Variants in FOXN4 observed in about 807,000 individuals in gnomAD.
FOXN4 encodes the protein forkhead box protein N4.
In FOXN4, 12 loss-of-function variants were observed where a neutral mutation model predicts 45.0. That is an observed-to-expected ratio of 0.27 (90% CI 0.17 to 0.43). The LOEUF is 0.43. Among genes scored for constraint, FOXN4 ranks in the 20% least tolerant of loss-of-function variants. The probability of loss-of-function intolerance (pLI) is 1.00; values close to 1 mark genes in which losing one functional copy is unlikely to be tolerated. For missense variants in FOXN4, 560 were observed against 694.9 expected, an observed-to-expected ratio of 0.81 and a Z score of 2.18; for synonymous variants, 297 against 295.0, an observed-to-expected ratio of 1.01 and a Z score of -0.07.
rs1288544734 is a variant in FOXN4, at chr12:109,286,668, C to G, written c.673G>C (p.Glu225Gln). ...CTCACCTTGAAGTAGGGGAAGTGCTCCTTCATGAAGCTGTAGATCTCGCTC... is the reference window on the plus strand; with the variant it reads ...CTCACCTTGAAGTAGGGGAAGTGCTGCTTCATGAAGCTGTAGATCTCGCTC... The part of the protein sequence containing the change: ...PVSEIYSFMK[E>Q]HFPYFKTAPD... Residue 225 changes from glutamate (E) to glutamine (Q), a missense_variant, in exon 7 of 10, where the codon GAG becomes CAG. Physicochemically the swap from Glu to Gln is conservative, Grantham distance 29. This residue lies in a region of FOXN4 where 39 missense variants were observed against 81.7 expected (regional missense o/e 0.48). Coordinates refer to ENST00000299162, the MANE Select transcript of FOXN4 (RefSeq NM_213596.3). 6.2e-7 allele frequency: 1 copy of G among 1,610,376 alleles called. No homozygotes were observed. Among genetic ancestry groups the G allele is most frequent in the East Asian group, 2.2e-5 (1 of 44,828 alleles).
rs1262657457 is a variant in FOXN4, at chr12:109,285,515, T to C, written c.694-4A>G. The C allele has an allele frequency of 6.2e-7, 1 of 1,613,906 alleles. No individual in the cohort carries two copies. Among genetic ancestry groups the C allele is most frequent in the South Asian group, 1.1e-5 (1 of 91,092 alleles). On this transcript the variant is annotated splice_region_variant and splice_polypyrimidine_tract_variant and intron_variant, in intron 7 of 9. Coordinates refer to ENST00000299162, the MANE Select transcript of FOXN4 (RefSeq NM_213596.3). The stretch of plus-strand genomic sequence containing the variant: ...TCTTCCACCCGTCGGGGGCCGTCTA[T>C]GAAGACACATGGGCATTCAGAGGCC...
At chr12:109,297,228 T>A (rs769869240) in intron 2 of FOXN4, among the ~76,000 whole-genome samples, 1 of 152,254 alleles carries the variant, frequency 6.6e-6, no homozygotes, top group Non-Finnish European at 1.5e-5. Context: ...GTGCCTGAGC[T>A]CCACCTCCTG....
intron 2 of FOXN4, among the ~76,000 whole-genome samples, chr12:109,298,076 AAGG>A (rs1175865336): frequency 6.6e-6 from 1 of 152,196 alleles, no homozygotes; most frequent in African/African-American, 2.4e-5. Context: ...CTGGAAATTT[AAGG>A]AGATGATTTC....
At chr12:109,301,977 C>T (rs887398842) in intron 2 of FOXN4, among the ~76,000 whole-genome samples, 3 of 152,248 alleles carry the variant, frequency 2.0e-5, no homozygotes, top group African/African-American at 4.8e-5. Context: ...CCCTCCCAGA[C>T]CAGTTCAGCA....
At chr12:109,303,386 T>C (rs1215764653) in intron 2 of FOXN4, among the ~76,000 whole-genome samples, 1 of 152,242 alleles carries the variant, frequency 6.6e-6, no homozygotes, top group Non-Finnish European at 1.5e-5. Context: ...TCAAGAGAAA[T>C]TTATCATCCC....
At chr12:109,304,627 G>A (rs912579286) in intron 2 of FOXN4, among the ~76,000 whole-genome samples, 2 of 151,414 alleles carry the variant, frequency 1.3e-5, no homozygotes, top group African/African-American at 4.8e-5. Flanking sequence ...CAGGGACAGG[G>A]CAGCCGCCTC....
rs1214167779 is a variant in FOXN4, at chr12:109,285,503, G to C, written c.702C>G (p.Pro234=). 1 of 1,613,902 alleles carries C rather than the reference G, an allele frequency of 6.2e-7. No individual in the cohort carries two copies. The highest frequency in any genetic ancestry group is 8.5e-7 in the Non-Finnish European group (1 of 1,179,918). ...GCCGCACCGAGTTCTTCCACCCGTCGGGGGCCGTCTATGAAGACACATGGG... is the reference window on the plus strand; with the variant it reads ...GCCGCACCGAGTTCTTCCACCCGTCCGGGGCCGTCTATGAAGACACATGGG... ...KEHFPYFKTA[P]DGWKNSVRHN... Residue 234 remains proline (P), a synonymous_variant, in exon 8 of 10, where the codon CCC becomes CCG. Transcript: ENST00000299162.
At chr12:109,284,458 CATGTGTGCGTGT>C (rs909660233) in intron 8 of FOXN4, among the ~76,000 whole-genome samples, 3 of 152,140 alleles carry the variant, frequency 2.0e-5, no homozygotes, top group Middle Eastern at 3.4e-3. Context: ...TGTGTGCGTG[CATGTGTGCGTGT>C]GCGCACACAC....
intron 8 of FOXN4, among the ~76,000 whole-genome samples, chr12:109,282,785 ATAG>A (rs1438813788): frequency 3.9e-5 from 6 of 152,218 alleles, no homozygotes. Context: ...CACAGGGTTG[ATAG>A]TAGACTGGTA....
At chr12:109,284,895 T>A (rs2047690541) in intron 8 of FOXN4, among the ~76,000 whole-genome samples, 1 of 141,468 alleles carries the variant, frequency 7.1e-6, no homozygotes, top group African/African-American at 2.7e-5. Flanking sequence ...CATGTGTGTA[T>A]TGGTCTGTGT....
chr12:109,282,511 T>C (rs1339290984), intron 8 of FOXN4, among the ~76,000 whole-genome samples: 1 of 152,072 alleles, frequency 6.6e-6, no homozygotes, highest in Non-Finnish European at 1.5e-5. Flanking sequence ...GACAGTGCCT[T>C]ACAGGACAGC....
At chr12:109,300,103 C>G (rs535700269) in intron 2 of FOXN4, among the ~76,000 whole-genome samples, 1 of 152,174 alleles carries the variant, frequency 6.6e-6, no homozygotes, top group Non-Finnish European at 1.5e-5. Context: ...ACAGGTAGGC[C>G]GCTCACCCCA....
rs1226553462 is a variant in FOXN4 at position 109,290,022 on chromosome 12, G to C, written c.232+119C>G. ...TTGTCCCATTTTACAGATGCAGAAA[G>C]AGAGGCCCAGAGAGACTGGGAGACC... On this transcript the variant is annotated intron_variant, in intron 3 of 9. Transcript: ENST00000299162. This position sits in a 1 kb window ranked among gnomAD's most constrained non-coding sequence, Gnocchi z 5.1. 1 of 1,197,540 alleles carries C rather than the reference G, an allele frequency of 8.4e-7. No individual in the cohort carries two copies. The highest frequency in any genetic ancestry group is 1.1e-6 in the Non-Finnish European group (1 of 892,690). 74.2% of individuals were successfully genotyped at this position (1,197,540 alleles called of 1,614,324 possible).
chr12:109,293,283 G>A (rs998512838), intron 2 of FOXN4, among the ~76,000 whole-genome samples: 3 of 152,126 alleles, frequency 2.0e-5, no homozygotes, highest in African/African-American at 7.2e-5. Flanking sequence ...CCCTGTGCAG[G>A]TTCCTGCTAC....
intron 9 of FOXN4, among the ~76,000 whole-genome samples, chr12:109,280,828 C>T (rs751299390): frequency 6.6e-6 from 1 of 152,210 alleles, no homozygotes; most frequent in Admixed American, 6.5e-5. Flanking sequence ...TCATTCATCA[C>T]GTCCCATTTA....
chr12:109,289,547 T>C (rs560567291), intron 3 of FOXN4, among the ~76,000 whole-genome samples: 15 of 152,366 alleles, frequency 9.8e-5, no homozygotes, highest in African/African-American at 3.6e-4. Flanking sequence ...GTTTTGCTTT[T>C]CTTCAATACT....
intron 2 of FOXN4, among the ~76,000 whole-genome samples, chr12:109,299,633 G>A (rs2047851555): frequency 6.6e-6 from 1 of 152,188 alleles, no homozygotes; most frequent in African/African-American, 2.4e-5. Context: ...AGGAAGTAGG[G>A]GGATGCTGAA....
In FOXN4 at chr12:109,290,902, G is replaced by A. The variant is rs555954546; in HGVS notation, c.87-616C>T. Among the ~76,000 whole-genome samples, 69 of 152,290 alleles carry A rather than the reference G, an allele frequency of 4.5e-4. No individual in the cohort carries two copies. The highest frequency in any genetic ancestry group is 3.4e-3 in the Middle Eastern group (1 of 294). ...GCCCTGGACTCAGCATTCAACAAGC[G>A]CTGTCCTGCACAATCCCCACAGCTG... On this transcript the variant is annotated intron_variant, in intron 2 of 9. Coordinates refer to ENST00000299162, the MANE Select transcript of FOXN4 (RefSeq NM_213596.3). This position sits in a 1 kb window ranked among gnomAD's most constrained non-coding sequence, Gnocchi z 5.1.
chr12:109,305,636 A>C (rs2047914909), intron 2 of FOXN4, among the ~76,000 whole-genome samples: 1 of 152,186 alleles, frequency 6.6e-6, no homozygotes, highest in Non-Finnish European at 1.5e-5. Flanking sequence ...AGGCTGAGGC[A>C]GGAGAATTGC....
Sources: allele counts gnomAD v4.1 joint callset (sites outside exome capture counted in the v4.1 genomes callset), GRCh38; gene constraint gnomAD v4.1.1; regional missense constraint gnomAD v4.1.1; non-coding constraint Gnocchi (gnomAD v3.1); transcripts MANE v1.5; gene names NCBI Gene and HGNC (gene_info 2026-07-23, HGNC 2026-07-21).